The following ANKS1B variants were observed in gnomAD, a reference collection of about 807,000 sequenced individuals.
ANKS1B encodes the protein ankyrin repeat and sterile alpha motif domain containing 1B, also known as ankyrin repeat and sterile alpha motif domain-containing protein 1B.
ANKS1B carries 36 observed loss-of-function variants against 148.3 expected under a neutral mutation model. The observed-to-expected ratio is 0.24, with a 90% CI of 0.19 to 0.32. The LOEUF (loss-of-function observed/expected upper bound fraction) is 0.32. Ranked by LOEUF, ANKS1B falls within the 10% of genes least tolerant of loss-of-function variation. The probability of loss-of-function intolerance (pLI) is 1.00; values close to 1 mark genes in which losing one functional copy is unlikely to be tolerated. For missense variants in ANKS1B, 1,157 were observed against 1,542.6 expected (o/e 0.75, Z 4.19); for synonymous variants, 542 against 560.8 (o/e 0.97, Z 0.47).
chr12:99,588,289 C>A (rs998864171), intron 9 of ANKS1B, among the ~76,000 whole-genome samples: 2 of 152,166 alleles, frequency 1.3e-5, no homozygotes, highest in Non-Finnish European at 2.9e-5. Context: ...GATTCATCTG[C>A]ATTCTACAGA....
intron 9 of ANKS1B, among the ~76,000 whole-genome samples, chr12:99,616,082 A>G (rs144408440): frequency 0.013 from 1,986 of 152,268 alleles, 39 homozygotes; most frequent in African/African-American, 0.046. Context: ...ACAACTTACA[A>G]GGGATGTGAA....
At chr12:99,068,464 T>G (rs2153580335) in intron 16 of ANKS1B, among the ~76,000 whole-genome samples, 1 of 152,320 alleles carries the variant, frequency 6.6e-6, no homozygotes, top group African/African-American at 2.4e-5. Flanking sequence ...TTATGGGACC[T>G]CTTATATATG....
intron 1 of ANKS1B, among the ~76,000 whole-genome samples, chr12:99,866,506 C>T (rs541636650): frequency 6.6e-6 from 1 of 152,268 alleles, no homozygotes; most frequent in Admixed American, 6.5e-5. Context: ...ACTCTAGTAA[C>T]ATTAGCTGTA....
chr12:99,414,796 C>T (rs1393189026), intron 11 of ANKS1B, among the ~76,000 whole-genome samples: 6 of 152,206 alleles, frequency 3.9e-5, no homozygotes, highest in East Asian at 1.9e-4. Context: ...CAAACCTGCG[C>T]GTTCTGCACA....
At chr12:98,845,172 C>T (rs1404797671) in intron 17 of ANKS1B, among the ~76,000 whole-genome samples, 5 of 152,284 alleles carry the variant, frequency 3.3e-5, no homozygotes, top group African/African-American at 9.6e-5. Context: ...TCTCATTTAC[C>T]TTGCTATTAC....
At position 99,246,583 on chromosome 12, in the gene ANKS1B, G is replaced by C. The variant is rs1254317260; in HGVS notation, c.2038C>G (p.Gln680Glu). The change falls in exon 13 of 27, where the codon CAA (glutamine) becomes GAA (glutamate). Residue 680 changes from glutamine (Q) to glutamate (E), a missense_variant. By Grantham distance (29) the Gln-to-Glu change is conservative (BLOSUM62 2). Transcript: ENST00000683438. The stretch of plus-strand genomic sequence containing the variant: ...CCAACAATGGTATGGTTTTCGAGTT[G>C]GTTGCTTTTTTTGTGAAAAATTGTT... Reference protein sequence around the residue: ...SRTIFHKKSNQLENHTIVGTR... With the variant: ...SRTIFHKKSNELENHTIVGTR... 6.2e-7 allele frequency: 1 copy of C among 1,613,596 alleles called. No individual in the cohort carries two copies. Among genetic ancestry groups the C allele is most frequent in the South Asian group, 1.1e-5 (1 of 91,068 alleles).
chr12:99,813,704 T>C (rs2068725695), intron 2 of ANKS1B, among the ~76,000 whole-genome samples: 1 of 151,788 alleles, frequency 6.6e-6, no homozygotes, highest in South Asian at 2.1e-4. Flanking sequence ...AACAAGAATA[T>C]GTTGTAGAAA....
intron 12 of ANKS1B, chr12:99,352,095 G>A (rs1031471841): frequency 1.3e-5 from 2 of 151,876 alleles, no homozygotes; most frequent in Non-Finnish European, 2.9e-5. Context: ...GGAAAAAGTA[G>A]ATACTGAATA....
At chr12:99,874,000 ATCTCTCTC>A (rs142537166) in intron 1 of ANKS1B, among the ~76,000 whole-genome samples, 4 of 138,502 alleles carry the variant, frequency 2.9e-5, no homozygotes, top group African/African-American at 1.2e-4. Flanking sequence ...AAATAAATAA[ATCTCTCTC>A]TCTCTCTCTC....
chr12:99,169,609 T>C (rs2077540731), intron 14 of ANKS1B, among the ~76,000 whole-genome samples: 1 of 152,226 alleles, frequency 6.6e-6, no homozygotes, highest in Non-Finnish European at 1.5e-5. Context: ...GCACCTACTA[T>C]GGGTCTGGCC....
intron 1 of ANKS1B, among the ~76,000 whole-genome samples, chr12:99,931,571 T>C (rs2094615988): frequency 6.6e-6 from 1 of 152,152 alleles, no homozygotes; most frequent in South Asian, 2.1e-4. Context: ...AACATTTTAA[T>C]TAATGTGTCT....
chr12:99,727,576 A>G (rs767030346), intron 8 of ANKS1B, among the ~76,000 whole-genome samples: 40 of 152,220 alleles, frequency 2.6e-4, no homozygotes, highest in Non-Finnish European at 4.6e-4. Context: ...AAAGTAATTT[A>G]TAGATTCAAT....
At chr12:99,846,569 T>C (rs1418366683) in intron 1 of ANKS1B, among the ~76,000 whole-genome samples, 2 of 152,180 alleles carry the variant, frequency 1.3e-5, no homozygotes, top group Non-Finnish European at 2.9e-5. Context: ...TTAATAATTA[T>C]GTTGTATTTG....
At chr12:98,924,753 A>G (rs1291540254) in intron 17 of ANKS1B, among the ~76,000 whole-genome samples, 1 of 152,216 alleles carries the variant, frequency 6.6e-6, no homozygotes, top group Non-Finnish European at 1.5e-5. Context: ...ATAATTCAGA[A>G]TCAAGGCTGT....
intron 11 of ANKS1B, among the ~76,000 whole-genome samples, chr12:99,430,612 T>G (rs750522863): frequency 2.6e-5 from 4 of 152,228 alleles, no homozygotes; most frequent in Non-Finnish European, 5.9e-5. Context: ...CGACTCCTTA[T>G]TAATTTATCC....
chr12:99,666,513 TTAAATTTGTAGGGG>T lies in ANKS1B; in HGVS notation c.1129-11317_1129-11304del, dbSNP rs578035076. On this transcript the variant is annotated intron_variant, in intron 8 of 26. Coordinates refer to ENST00000683438, the MANE Select transcript of ANKS1B (RefSeq NM_001352186.2). ...GTGTACAGGTCTTGCCCATATCCTG[TTAAATTTGTAGGGG>T]TAAATTTGTAGGGGTGGTATATCTT... is the stretch of plus-strand genomic sequence containing the variant. Among the ~76,000 whole-genome samples, 12 of 152,302 alleles carry T rather than the reference TTAAATTTGTAGGGG, an allele frequency of 7.9e-5. No homozygotes were observed. In the East Asian group the frequency reaches 2.3e-3, roughly 29 times the overall value.
chr12:99,861,554 A>AT (rs1020617670), intron 1 of ANKS1B, among the ~76,000 whole-genome samples: 3 of 152,082 alleles, frequency 2.0e-5, no homozygotes, highest in Non-Finnish European at 2.9e-5. Flanking sequence ...TCATGGTTAT[A>AT]TTTTTTTCAG....
At chr12:99,684,567 G>GA (rs1286584450) in intron 8 of ANKS1B, among the ~76,000 whole-genome samples, 1 of 151,486 alleles carries the variant, frequency 6.6e-6, no homozygotes, top group Non-Finnish European at 1.5e-5. Context: ...CACCAAACTA[G>GA]AAAAAACAAT....
chr12:99,638,818 G>T (rs1183081676), intron 9 of ANKS1B, among the ~76,000 whole-genome samples: 1 of 152,166 alleles, frequency 6.6e-6, no homozygotes, highest in African/African-American at 2.4e-5. Context: ...GCTGGGTCCA[G>T]GGTCCCCCGT....
Sources: allele counts gnomAD v4.1 joint callset (sites outside exome capture counted in the v4.1 genomes callset), GRCh38; gene constraint gnomAD v4.1.1; transcripts MANE v1.5; gene names NCBI Gene and HGNC (gene_info 2026-07-23, HGNC 2026-07-21).